Variants in GPR137B observed in about 807,000 individuals in gnomAD.
The protein encoded by GPR137B is integral membrane protein GPR137B.
Under a neutral mutation model 42.5 loss-of-function variants are expected in GPR137B, and 42 were observed. The ratio of observed to expected loss-of-function variants is 0.99; its 90% CI spans 0.77 to 1.28. GPR137B has a LOEUF of 1.28. GPR137B is among the 50% of genes most tolerant of loss of function. GPR137B has a pLI of 0.00. For missense variants in GPR137B, 487 were observed against 493.9 expected, an observed-to-expected ratio of 0.99 and a Z score of 0.13; for synonymous variants, 218 against 209.7, an observed-to-expected ratio of 1.04 and a Z score of -0.34.
Position 236,208,481 on chromosome 1 carries a change from C to A in GPR137B, c.*323C>A. The stretch of plus-strand genomic sequence containing the variant: ...TTTTTTTTTCTTGAGAATGTTACTG[C>A]AATCATGTTGTAGTTTGCACAGACT... On this transcript the variant is annotated 3_prime_UTR_variant, in exon 7 of 7. Coordinates refer to ENST00000366592, the MANE Select transcript of GPR137B (RefSeq NM_003272.4). 1 of 887,934 alleles carries A rather than the reference C, an allele frequency of 1.1e-6. No individual in the cohort carries two copies. The highest frequency in any genetic ancestry group is 1.4e-6 in the Non-Finnish European group (1 of 722,600). 55.0% of individuals were successfully genotyped at this position (887,934 alleles called of 1,614,324 possible).
At chr1:236,151,418 ATTTT>A (rs60574023) in intron 1 of GPR137B, among the ~76,000 whole-genome samples, 3 of 72,386 alleles carry the variant, frequency 4.1e-5, no homozygotes, top group African/African-American at 2.4e-4. Flanking sequence ...TTGCATATTC[ATTTT>A]TTTTTTTTTT....
At chr1:236,147,135 C>G (rs750366262) in intron 1 of GPR137B, among the ~76,000 whole-genome samples, 21 of 152,212 alleles carry the variant, frequency 1.4e-4, no homozygotes, top group Admixed American at 2.6e-4. Flanking sequence ...ATCTTTACGT[C>G]TGATTTAAAG....
rs1213119722 is a variant in GPR137B at position 236,150,524 on chromosome 1, C to T, written c.414+7488C>T. Among the ~76,000 whole-genome samples the T allele has an allele frequency of 2.0e-5, 3 of 152,116 alleles. No individual in the cohort carries two copies. Among genetic ancestry groups the T allele is most frequent in the African/African-American group, 4.8e-5 (2 of 41,408 alleles). On this transcript the variant is annotated intron_variant, in intron 1 of 6. Transcript: ENST00000366592. The surrounding 1 kb of genome is among the most constrained non-coding windows in gnomAD (Gnocchi z 6.2). ...AGTGCCTCGGTGATGCCCTGCCAACCGAGGGGGAACTAAATCCTGTTAATG... is the reference window on the plus strand; with the variant it reads ...AGTGCCTCGGTGATGCCCTGCCAACTGAGGGGGAACTAAATCCTGTTAATG...
At chr1:236,186,174 C>T (rs1325807922) in intron 5 of GPR137B, among the ~76,000 whole-genome samples, 2 of 122,534 alleles carry the variant, frequency 1.6e-5, no homozygotes, top group Non-Finnish European at 3.2e-5. Context: ...ACCCATTCAT[C>T]CATTGATGGA....
chr1:236,176,043 C>A (rs1662675522), intron 2 of GPR137B, among the ~76,000 whole-genome samples: 1 of 151,950 alleles, frequency 6.6e-6, no homozygotes. Context: ...GAAGGATAGG[C>A]ACTTAGTGGG....
chr1:236,147,507 C>T (rs1007637410), intron 1 of GPR137B, among the ~76,000 whole-genome samples: 1 of 152,224 alleles, frequency 6.6e-6, no homozygotes, highest in African/African-American at 2.4e-5. Flanking sequence ...CCTCCACTCC[C>T]ACTTGGCCAC....
intron 1 of GPR137B, among the ~76,000 whole-genome samples, chr1:236,166,758 G>T (rs1211990083): frequency 1.3e-5 from 2 of 152,088 alleles, no homozygotes; most frequent in Non-Finnish European, 2.9e-5. Flanking sequence ...GCCGAGGTGG[G>T]TGGGGCACTT....
chr1:236,161,265 C>A (rs1411958246), intron 1 of GPR137B, among the ~76,000 whole-genome samples: 1 of 152,164 alleles, frequency 6.6e-6, no homozygotes, highest in Non-Finnish European at 1.5e-5. Context: ...GCTCTCCGCA[C>A]CCTTACCCTG....
chr1:236,169,562 C>T (rs1662471815), intron 2 of GPR137B, among the ~76,000 whole-genome samples: 1 of 152,194 alleles, frequency 6.6e-6, no homozygotes, highest in Non-Finnish European at 1.5e-5. Context: ...ATGCCAAAAA[C>T]ATGGACACCG....
chr1:236,143,124 G>C, intron 1 of GPR137B, 88 bp downstream of exon 1: 1 of 1,169,640 alleles, frequency 8.5e-7, no homozygotes, highest in Non-Finnish European at 1.2e-6. Flanking sequence ...CAGCCGCGGG[G>C]GCGGGTCCGG....
At chr1:236,182,954 G>A (rs889733148) in intron 4 of GPR137B, among the ~76,000 whole-genome samples, 3 of 152,146 alleles carry the variant, frequency 2.0e-5, no homozygotes, top group Non-Finnish European at 2.9e-5. Flanking sequence ...TGATATAGAG[G>A]AAGTAAGAGA....
At chr1:236,180,786 T>A (rs1272734350) in intron 4 of GPR137B, among the ~76,000 whole-genome samples, 1 of 152,080 alleles carries the variant, frequency 6.6e-6, no homozygotes, top group Non-Finnish European at 1.5e-5. Context: ...CTGGCTAATT[T>A]TTTGTATTTT....
chr1:236,197,190 G>T (rs569931274), intron 5 of GPR137B, among the ~76,000 whole-genome samples: 2 of 152,074 alleles, frequency 1.3e-5, no homozygotes, highest in East Asian at 1.9e-4. Context: ...CTTCTTTTGA[G>T]AATTGTCTAT....
chr1:236,151,418 A>ATTTT (rs60574023), intron 1 of GPR137B, among the ~76,000 whole-genome samples: 78 of 72,374 alleles, frequency 1.1e-3, no homozygotes, highest in Non-Finnish European at 1.4e-3. Context: ...TTGCATATTC[A>ATTTT]TTTTTTTTTT....
intron 2 of GPR137B, among the ~76,000 whole-genome samples, chr1:236,175,743 C>T (rs1488287949): frequency 6.6e-6 from 1 of 152,106 alleles, no homozygotes; most frequent in Non-Finnish European, 1.5e-5. Context: ...GGGCTGCCCT[C>T]AAAGCTCCAC....
At chr1:236,181,659 A>G (rs1662880084) in intron 4 of GPR137B, among the ~76,000 whole-genome samples, 1 of 152,218 alleles carries the variant, frequency 6.6e-6, no homozygotes, top group African/African-American at 2.4e-5. Context: ...ACCTGTGAGG[A>G]CAAGGTAAAA....
At chr1:236,180,743 A>T (rs1274583634) in intron 4 of GPR137B, among the ~76,000 whole-genome samples, 1 of 151,322 alleles carries the variant, frequency 6.6e-6, no homozygotes, top group Non-Finnish European at 1.5e-5. Flanking sequence ...CAGCCTCCAG[A>T]GTAGCTGGGA....
chr1:236,186,262 T>TTATATATAATAATATATAA (rs1553365177), intron 5 of GPR137B, among the ~76,000 whole-genome samples: 1 of 22,880 alleles, frequency 4.4e-5, no homozygotes, highest in African/African-American at 1.4e-4. Context: ...ATAATATATA[T>TTATATATAATAATATATAA]TATATATTAT....
In GPR137B at chr1:236,208,859, T is replaced by TA; in HGVS notation, c.*706dup. 5.1e-6 allele frequency: 5 copies of TA among 983,982 alleles called. No homozygotes were observed. Among genetic ancestry groups the TA allele is most frequent in the Non-Finnish European group, 6.0e-6 (5 of 828,648 alleles). 61.0% of individuals were successfully genotyped at this position (983,982 alleles called of 1,614,324 possible). A position where few individuals can be genotyped will look rare whatever the true frequency, so the allele number is the denominator to read the frequency against. On this transcript the variant is annotated 3_prime_UTR_variant, in exon 7 of 7. Transcript: ENST00000366592. The stretch of plus-strand genomic sequence containing the variant: ...CACATTAATGATAAGTTGATAACAT[T>TA]AAAAATGTAGCTGACTTATCCTATT...
Sources: allele counts gnomAD v4.1 joint callset (sites outside exome capture counted in the v4.1 genomes callset), GRCh38; gene constraint gnomAD v4.1.1; non-coding constraint Gnocchi (gnomAD v3.1); transcripts MANE v1.5; gene names NCBI Gene and HGNC (gene_info 2026-07-23, HGNC 2026-07-21).